FAM117A: variants seen among roughly 807,000 people sequenced by gnomAD.
The protein encoded by FAM117A is protein FAM117A.
A neutral mutation model predicts 44.1 loss-of-function variants in FAM117A; 21 were observed. The ratio of observed to expected loss-of-function variants is 0.48; its 90% CI spans 0.34 to 0.69. The LOEUF is 0.69. Among genes scored for constraint, FAM117A ranks in the 30% least tolerant of loss-of-function variants. FAM117A has a pLI of 0.01. For missense variants in FAM117A, 498 were observed against 589.9 expected (o/e 0.84, Z 1.61); for synonymous variants, 220 against 238.3 (o/e 0.92, Z 0.71).
chr17:49,727,148 C>T lies in FAM117A; in HGVS notation c.367-4554G>A, dbSNP rs545646644. Among the ~76,000 whole-genome samples, 10 of 152,180 alleles carry T rather than the reference C, an allele frequency of 6.6e-5. No individual in the cohort carries two copies. In the South Asian group the frequency reaches 2.1e-3, roughly 32 times the overall value. ...AGGCACGGTGACTCATGCCTGTAAT[C>T]CCAGCACTTTGGGAGGCTGAAGTGG... On this transcript the variant is annotated intron_variant, in intron 2 of 7. Transcript: ENST00000240364.
At chr17:49,781,075 C>A (rs2143806331) in intron 1 of FAM117A, among the ~76,000 whole-genome samples, 1 of 151,832 alleles carries the variant, frequency 6.6e-6, no homozygotes, top group African/African-American at 2.4e-5. Flanking sequence ...CTTGGCCTCC[C>A]AAAGTGCTGG....
chr17:49,716,287 A>G lies in FAM117A; in HGVS notation c.939T>C (p.Leu313=). 1 of 1,604,912 alleles carries G rather than the reference A, an allele frequency of 6.2e-7. No individual in the cohort carries two copies. Among genetic ancestry groups the G allele is most frequent in the Middle Eastern group, 1.7e-4 (1 of 6,004 alleles). The part of the protein sequence containing the change: ...KASSPGHPAF[L]EDGSPSPVLA... ...GGACTGGAGATGGGCTGCCATCTTC[A>G]AGAAAGGCTGGGTGTCCTGGAGAGG... The change falls in exon 7 of 8, where the codon CTT becomes CTC. Residue 313 remains leucine (L), a synonymous_variant. Coordinates refer to ENST00000240364, the MANE Select transcript of FAM117A (RefSeq NM_030802.4).
intron 2 of FAM117A, among the ~76,000 whole-genome samples, chr17:49,725,983 G>A (rs2073557714): frequency 6.6e-6 from 1 of 152,196 alleles, no homozygotes; most frequent in Non-Finnish European, 1.5e-5. Flanking sequence ...CCAGAAGCTA[G>A]AAGTGCAGGA....
At chr17:49,727,018 C>T (rs960310783) in intron 2 of FAM117A, among the ~76,000 whole-genome samples, 7 of 151,968 alleles carry the variant, frequency 4.6e-5, no homozygotes. Flanking sequence ...AACTAACCTT[C>T]TGGCCACAAC....
intron 1 of FAM117A, among the ~76,000 whole-genome samples, chr17:49,760,721 T>A (rs938377862): frequency 6.6e-6 from 1 of 152,158 alleles, no homozygotes; most frequent in South Asian, 2.1e-4. Context: ...ACAAGATAGG[T>A]AAGACTGGAA....
chr17:49,782,689 C>CA (rs74562078), intron 1 of FAM117A, among the ~76,000 whole-genome samples: 5,751 of 55,284 alleles, frequency 0.1, 375 homozygotes, highest in African/African-American at 0.21. Flanking sequence ...GACTTTGTCT[C>CA]AAAAAAAAAA....
At chr17:49,759,380 G>GT (rs2073712939) in intron 1 of FAM117A, among the ~76,000 whole-genome samples, 2 of 152,200 alleles carry the variant, frequency 1.3e-5, no homozygotes, top group Non-Finnish European at 2.9e-5. Context: ...TGCTGACCAT[G>GT]TATGTGCCTG....
chr17:49,760,026 G>A (rs2073716497), intron 1 of FAM117A, among the ~76,000 whole-genome samples: 1 of 152,150 alleles, frequency 6.6e-6, no homozygotes, highest in South Asian at 2.1e-4. Flanking sequence ...GGGGGAAATG[G>A]GTTAAGAGAG....
At chr17:49,757,817 G>A (rs34436135) in intron 1 of FAM117A, among the ~76,000 whole-genome samples, 5,495 of 152,174 alleles carry the variant, frequency 0.036, 141 homozygotes, top group Non-Finnish European at 0.048. Flanking sequence ...CTAGACGAAG[G>A]GGGGAAACTG....
rs184411861 is a variant in FAM117A at position 49,715,950 on chromosome 17, G to T, written c.1061+215C>A. Among the ~76,000 whole-genome samples, 951 of 152,314 alleles carry T rather than the reference G, an allele frequency of 6.2e-3. 13 individuals carry two copies. The highest frequency in any genetic ancestry group is 0.01 in the Middle Eastern group (3 of 294). ...CTCCTGCTGCGCTTGTGGCTGGCAT[G>T]TGGGCAGAGAGCAGGTTTCTATGGA... On this transcript the variant is annotated intron_variant, in intron 7 of 7. Transcript: ENST00000240364.
intron 1 of FAM117A, among the ~76,000 whole-genome samples, chr17:49,769,699 C>A (rs898723890): frequency 1.3e-5 from 2 of 150,820 alleles, no homozygotes; most frequent in East Asian, 3.9e-4. Context: ...AGCGAAACTC[C>A]GTCTCAAAAA....
At chr17:49,742,350 A>G (rs2073638136) in intron 1 of FAM117A, among the ~76,000 whole-genome samples, 1 of 152,232 alleles carries the variant, frequency 6.6e-6, no homozygotes, top group Non-Finnish European at 1.5e-5. Flanking sequence ...GGGAAAAAAA[A>G]TAAGGAATAC....
chr17:49,782,417 T>C (rs1039413851), intron 1 of FAM117A, among the ~76,000 whole-genome samples: 2 of 136,410 alleles, frequency 1.5e-5, no homozygotes, highest in East Asian at 2.2e-4. Context: ...GTGCCAGGCA[T>C]GGTGGCTTAT....
intron 1 of FAM117A, among the ~76,000 whole-genome samples, chr17:49,741,946 A>C (rs2073636182): frequency 6.6e-6 from 1 of 152,140 alleles, no homozygotes; most frequent in Non-Finnish European, 1.5e-5. Context: ...CTCCTTGGAA[A>C]GCCCAAGGAG....
chr17:49,771,244 G>A (rs1295830094), intron 1 of FAM117A, among the ~76,000 whole-genome samples: 1 of 152,146 alleles, frequency 6.6e-6, no homozygotes, highest in Non-Finnish European at 1.5e-5. Flanking sequence ...TTATACATGA[G>A]TAATGGGTGA....
At chr17:49,754,498 G>T (rs1946721515) in intron 1 of FAM117A, among the ~76,000 whole-genome samples, 1 of 151,808 alleles carries the variant, frequency 6.6e-6, no homozygotes, top group African/African-American at 2.4e-5. Context: ...TAGAGACAGG[G>T]TTTCACTGTG....
intron 5 of FAM117A, among the ~76,000 whole-genome samples, chr17:49,718,985 AAAG>A: frequency 8.3e-6 from 1 of 120,746 alleles, no homozygotes; most frequent in Non-Finnish European, 1.7e-5. Flanking sequence ...AAAAAAAAAA[AAAG>A]GCCGGTGGCT....
At chr17:49,765,884 A>G (rs1019187268), upstream of FAM117A, among the ~76,000 whole-genome samples, 1 of 152,252 alleles carries the variant, frequency 6.6e-6, no homozygotes, top group African/African-American at 2.4e-5. Context: ...CTGGAAAAGG[A>G]AAAACATGGA....
rs75077123 is a variant in FAM117A, at chr17:49,787,216, G to T, written c.-621+1281C>A. Among the ~76,000 whole-genome samples, 1,133 of 152,294 alleles carry T rather than the reference G, an allele frequency of 7.4e-3. 16 individuals carry two copies. The highest frequency in any genetic ancestry group is 0.026 in the African/African-American group (1,088 of 41,546). On this transcript the variant is annotated intron_variant, in intron 1 of 7. Transcript: ENST00000513602. ...CAAATGTAACCTCAGGAACATATCC[G>T]TGAGTGCAAAATAACAGAGTAATGT...
Sources: gnomAD v4.1 joint callset for allele counts (sites outside exome capture counted in the v4.1 genomes callset) on GRCh38, gnomAD v4.1.1 for gene constraint, MANE v1.5 for transcripts, NCBI Gene and HGNC (gene_info 2026-07-23, HGNC 2026-07-21) for gene names.